Variants in CCDC7 observed in about 807,000 individuals in gnomAD.
CCDC7 encodes the protein coiled-coil domain containing 7.
CCDC7 carries 183 observed loss-of-function variants against 196.9 expected under a neutral mutation model. The observed-to-expected ratio is 0.93, with a 90% CI of 0.82 to 1.05. The LOEUF (loss-of-function observed/expected upper bound fraction) is 1.05. Among genes scored for constraint, CCDC7 ranks in the 50% least tolerant of loss-of-function variants. CCDC7 has a pLI of 0.00. For missense variants in CCDC7, 1,540 were observed against 1,482.2 expected (o/e 1.04, Z -0.64); for synonymous variants, 525 against 484.6 (o/e 1.08, Z -1.10).
chr10:32,456,850 T>G (rs894682882), intron 3 of CCDC7, among the ~76,000 whole-genome samples: 2 of 152,070 alleles, frequency 1.3e-5, no homozygotes, highest in Non-Finnish European at 2.9e-5. Flanking sequence ...AATTTATTGC[T>G]TTTTCTGGCA....
At chr10:32,674,671 G>A (rs944110465) in intron 21 of CCDC7, among the ~76,000 whole-genome samples, 1 of 152,034 alleles carries the variant, frequency 6.6e-6, no homozygotes, top group Non-Finnish European at 1.5e-5. Flanking sequence ...ATTTTTGAAA[G>A]TGGAGTATTG....
intron 41 of CCDC7, among the ~76,000 whole-genome samples, chr10:32,865,432 C>T (rs79686959): frequency 0.02 from 2,919 of 142,430 alleles, 42 homozygotes; most frequent in Non-Finnish European, 0.028. Context: ...CACACACACA[C>T]GAGAATGGCT....
At chr10:32,458,374 C>T in intron 3 of CCDC7, among the ~76,000 whole-genome samples, 1 of 151,506 alleles carries the variant, frequency 6.6e-6, no homozygotes, top group South Asian at 2.1e-4. Flanking sequence ...TATTGGGTTC[C>T]ATTGGTCTGT....
At chr10:32,722,387 C>T (rs2082543198) in intron 25 of CCDC7, among the ~76,000 whole-genome samples, 1 of 152,068 alleles carries the variant, frequency 6.6e-6, no homozygotes, top group Non-Finnish European at 1.5e-5. Flanking sequence ...GTAGGGCTAC[C>T]ATTACAAAGT....
intron 24 of CCDC7, among the ~76,000 whole-genome samples, chr10:32,698,064 G>C (rs970759365): frequency 6.6e-6 from 1 of 152,144 alleles, no homozygotes; most frequent in African/African-American, 2.4e-5. Flanking sequence ...AGGCAAACAG[G>C]GTCTGGAGTG....
intron 18 of CCDC7, among the ~76,000 whole-genome samples, chr10:32,622,430 T>G (rs184765829): frequency 6.6e-6 from 1 of 151,956 alleles, no homozygotes; most frequent in Non-Finnish European, 1.5e-5. Context: ...GGGCAGCAAT[T>G]TAGATAATAG....
rs145220925 is a variant in CCDC7 at position 32,848,603 on chromosome 10, C to G, written c.3780C>G (p.Asn1260Lys). The change falls in exon 39 of 42, where the codon AAC becomes AAG. Residue 1260 changes from asparagine (N) to lysine (K), a missense_variant. Transcript: ENST00000639629. ...TTTAAAATTTTATTTTAGATGTGAA[C>G]TTATTTAAAAACAAAGATATGTCCG... The G allele has an allele frequency of 4.6e-5, 68 of 1,483,186 alleles. No individual in the cohort carries two copies. The African/African-American group carries it at 7.1e-4, about 15-fold the overall frequency. 91.9% of individuals were successfully genotyped at this position (1,483,186 alleles called of 1,614,324 possible). A position where few individuals can be genotyped will look rare whatever the true frequency, so the allele number is the denominator to read the frequency against.
chr10:32,476,321 CT>C (rs2038962265), intron 8 of CCDC7, among the ~76,000 whole-genome samples: 1 of 152,146 alleles, frequency 6.6e-6, no homozygotes, highest in Non-Finnish European at 1.5e-5. Context: ...ATTAGTCTTT[CT>C]TTTACCTAAC....
At chr10:32,760,789 A>T (rs2077344086) in intron 28 of CCDC7, among the ~76,000 whole-genome samples, 1 of 151,810 alleles carries the variant, frequency 6.6e-6, no homozygotes, top group Non-Finnish European at 1.5e-5. Flanking sequence ...AAAAAAGAAC[A>T]CCCAAAGCAA....
chr10:32,556,423 C>G (rs1443513334), intron 13 of CCDC7, among the ~76,000 whole-genome samples: 20 of 152,082 alleles, frequency 1.3e-4, no homozygotes, highest in Non-Finnish European at 5.9e-5. Context: ...GCTCTTGTTT[C>G]TCATTGAAAC....
chr10:32,874,783 C>CACAT (rs753626170), intron 41 of CCDC7, among the ~76,000 whole-genome samples: 2 of 143,324 alleles, frequency 1.4e-5, no homozygotes, highest in Non-Finnish European at 3.1e-5. Context: ...CACACACACA[C>CACAT]ATATATACAC....
At chr10:32,548,778 T>G (rs1263234099) in intron 13 of CCDC7, among the ~76,000 whole-genome samples, 2 of 152,236 alleles carry the variant, frequency 1.3e-5, no homozygotes, top group Non-Finnish European at 2.9e-5. Context: ...TTCCATCATA[T>G]AAATATACCA....
chr10:32,708,776 A>G (rs1352401384), intron 24 of CCDC7, among the ~76,000 whole-genome samples: 1 of 152,216 alleles, frequency 6.6e-6, no homozygotes, highest in African/African-American at 2.4e-5. Flanking sequence ...ATGAGATACC[A>G]TCTCACACCA....
intron 21 of CCDC7, among the ~76,000 whole-genome samples, chr10:32,675,497 C>T (rs904796401): frequency 3.3e-5 from 5 of 151,974 alleles, no homozygotes; most frequent in Non-Finnish European, 7.4e-5. Context: ...TTATAGTTAT[C>T]CTTAATACTT....
chr10:32,708,419 T>C (rs2080194282), intron 24 of CCDC7, among the ~76,000 whole-genome samples: 1 of 152,084 alleles, frequency 6.6e-6, no homozygotes, highest in South Asian at 2.1e-4. Context: ...GGACAAAAAC[T>C]TCATGACTAG....
At chr10:32,748,695 G>GT (rs1184659104) in intron 28 of CCDC7, among the ~76,000 whole-genome samples, 2 of 152,174 alleles carry the variant, frequency 1.3e-5, no homozygotes, top group African/African-American at 4.8e-5. Context: ...GTGCTTCTCA[G>GT]TTTTTTCCCT....
At chr10:32,757,957 G>C (rs1410613750) in intron 28 of CCDC7, among the ~76,000 whole-genome samples, 2 of 152,118 alleles carry the variant, frequency 1.3e-5, no homozygotes, top group African/African-American at 4.8e-5. Context: ...TACCATCAGA[G>C]AATACTATAA....
At chr10:32,759,342 T>C (rs2077032274) in intron 28 of CCDC7, among the ~76,000 whole-genome samples, 1 of 152,162 alleles carries the variant, frequency 6.6e-6, no homozygotes, top group Non-Finnish European at 1.5e-5. Context: ...GACTTCCAAC[T>C]ATACTACAAG....
chr10:32,567,811 T>C (rs1350954608), exon 15 of CCDC7: 3 of 1,613,418 alleles, frequency 1.9e-6, no homozygotes, highest in South Asian at 2.2e-5. Context: ...AAATATACCA[T>C]TGGAGAAAGA....
Sources: allele counts gnomAD v4.1 joint callset (sites outside exome capture counted in the v4.1 genomes callset), GRCh38; gene constraint gnomAD v4.1.1; transcripts MANE v1.5; gene names NCBI Gene and HGNC (gene_info 2026-07-23, HGNC 2026-07-21).